CEP170: variants seen among roughly 807,000 people sequenced by gnomAD.
CEP170 encodes centrosomal protein of 170 kDa.
A neutral mutation model predicts 151.9 loss-of-function variants in CEP170; 21 were observed. The observed-to-expected ratio is 0.14, with a 90% confidence interval of 0.10 to 0.20. The LOEUF is 0.20. CEP170 is among the 10% of genes least tolerant of loss of function. The pLI is 1.00. For missense variants in CEP170, 964 were observed against 1,892.9 expected (o/e 0.51, Z 9.11); for synonymous variants, 356 against 648.8 (o/e 0.55, Z 6.86).
chr1:243,202,790 C>A (rs1165379895), intron 4 of CEP170, among the ~76,000 whole-genome samples: 1 of 152,032 alleles, frequency 6.6e-6, no homozygotes, highest in Non-Finnish European at 1.5e-5. Context: ...CATAGCATTC[C>A]TACTTTTTCT....
intron 1 of CEP170, among the ~76,000 whole-genome samples, chr1:243,243,803 G>C (rs1312698213): frequency 1.3e-5 from 2 of 152,050 alleles, no homozygotes; most frequent in African/African-American, 4.8e-5. Context: ...TGAGATCACA[G>C]GCAGGAGCCA....
At chr1:243,181,263 C>T (rs2059601591) in intron 10 of CEP170, among the ~76,000 whole-genome samples, 1 of 152,152 alleles carries the variant, frequency 6.6e-6, no homozygotes, top group South Asian at 2.1e-4. Context: ...GAGATAATTA[C>T]TAGTATGAGA....
intron 13 of CEP170, 77 bp downstream of exon 13, chr1:243,164,205 TAC>T (rs2058283994): frequency 5.4e-6 from 7 of 1,292,748 alleles, no homozygotes; most frequent in East Asian, 2.8e-5. Flanking sequence ...ACTAGAACCT[TAC>T]TTTTTTTTTT....
At chr1:243,254,233 A>C (rs1448576721) in intron 1 of CEP170, 2 of 150,926 alleles carry the variant, frequency 1.3e-5, no homozygotes, top group African/African-American at 2.5e-5. Flanking sequence ...ACTCTACGAA[A>C]CACCACCGAA....
intron 17 of CEP170, among the ~76,000 whole-genome samples, chr1:243,131,716 AT>A: frequency 6.6e-6 from 1 of 152,262 alleles, no homozygotes; most frequent in South Asian, 2.1e-4. Flanking sequence ...GTCCTTATCA[AT>A]TTTAAGCTGA....
chr1:243,155,223 AAGC>A (rs1420240006), intron 14 of CEP170, among the ~76,000 whole-genome samples: 1 of 152,230 alleles, frequency 6.6e-6, no homozygotes, highest in Non-Finnish European at 1.5e-5. Flanking sequence ...CCAAGAATAA[AAGC>A]GATGACAAGT....
chr1:243,199,040 A>G lies in CEP170; in HGVS notation c.631+20T>C. On this transcript the variant is annotated intron_variant, in intron 7 of 19. Coordinates refer to ENST00000366542, the MANE Select transcript of CEP170 (RefSeq NM_014812.3). ...TCCCAAAATATCCACTTAATGTCACAGTGACTGAGATTTTTTTACCTGATG... is the reference window on the plus strand; with the variant it reads ...TCCCAAAATATCCACTTAATGTCACGGTGACTGAGATTTTTTTACCTGATG... The G allele has an allele frequency of 2.6e-6, 4 of 1,530,964 alleles. No homozygotes were observed. Among genetic ancestry groups the G allele is most frequent in the Non-Finnish European group, 3.6e-6 (4 of 1,109,542 alleles). 94.8% of individuals were successfully genotyped at this position (1,530,964 alleles called of 1,614,324 possible).
intron 14 of CEP170, among the ~76,000 whole-genome samples, chr1:243,152,920 T>C (rs2057243518): frequency 6.6e-6 from 1 of 152,214 alleles, no homozygotes; most frequent in African/African-American, 2.4e-5. Context: ...ATTCCTCTAA[T>C]AGATCTGGAC....
At chr1:243,147,268 T>A (rs1311911377) in intron 14 of CEP170, among the ~76,000 whole-genome samples, 1 of 152,252 alleles carries the variant, frequency 6.6e-6, no homozygotes, top group African/African-American at 2.4e-5. Context: ...TTTTGGCCCA[T>A]TATTCAAGAT....
Position 243,146,884 on chromosome 1 carries a change from TC to T in CEP170, c.3912-4422del, listed in dbSNP as rs544293136. Among the ~76,000 whole-genome samples the T allele has an allele frequency of 4.6e-3, 698 of 152,116 alleles. 3 individuals are homozygous for T. The highest frequency in any genetic ancestry group is 7.5e-3 in the Non-Finnish European group (511 of 67,996). ...TTTACTTTGTGCATGAGCAAAAAGTTCTAGATGTTCCCTAACCAGTGAAGAC... is the reference window on the plus strand; with the variant it reads ...TTTACTTTGTGCATGAGCAAAAAGTTTAGATGTTCCCTAACCAGTGAAGAC... On this transcript the variant is annotated intron_variant, in intron 14 of 19. Coordinates refer to ENST00000366542, the MANE Select transcript of CEP170 (RefSeq NM_014812.3).
intron 1 of CEP170, among the ~76,000 whole-genome samples, chr1:243,250,261 A>C (rs901476170): frequency 3.3e-5 from 5 of 152,224 alleles, no homozygotes; most frequent in African/African-American, 1.2e-4. Flanking sequence ...GGATGGAGAC[A>C]TAAGAGTTTG....
rs544369438 is a variant in CEP170, at chr1:243,221,694, A to G, written c.195+30T>C. ...TCTTACAATATTAAACAAATGTTCA[A>G]ACAAGACAAAAAATAAACCATTGAC... On this transcript the variant is annotated intron_variant, in intron 3 of 19. Coordinates refer to ENST00000366542, the MANE Select transcript of CEP170 (RefSeq NM_014812.3). 5.1e-6 allele frequency: 8 copies of G among 1,575,074 alleles called. 1 individual carries two copies. Among genetic ancestry groups the G allele is most frequent in the Non-Finnish European group, 6.0e-6 (7 of 1,160,008 alleles).
chr1:243,251,935 GT>G (rs1255477858), intron 1 of CEP170, among the ~76,000 whole-genome samples: 2 of 152,130 alleles, frequency 1.3e-5, no homozygotes, highest in Non-Finnish European at 2.9e-5. Context: ...AATATATCCA[GT>G]TTAATCAACC....
intron 1 of CEP170, among the ~76,000 whole-genome samples, chr1:243,240,265 A>G (rs10803129): frequency 0.97 from 147,779 of 152,166 alleles, 71,918 homozygotes; most frequent in South Asian, 1. Context: ...AGCTGAGATC[A>G]CGCCATTGCA....
chr1:243,157,057 T>C (rs1198253356), intron 13 of CEP170, among the ~76,000 whole-genome samples: 1 of 152,226 alleles, frequency 6.6e-6, no homozygotes, highest in Non-Finnish European at 1.5e-5. Flanking sequence ...TCTTTTTACG[T>C]GGTAAAAAAA....
chr1:243,221,805 A>C lies in CEP170; in HGVS notation c.114T>G (p.Ser38Arg). ...TGATGACAGCGTGTTGCTTATCCAC[A>C]CTACGAGACTGAAAGGAATGTTGTC... is the stretch of plus-strand genomic sequence containing the variant. ...DDCELMLQSR[S>R]VDKQHAVINY... The change falls in exon 3 of 20, where the codon AGT becomes AGG. Residue 38 changes from serine (S) to arginine (R), a missense_variant. Coordinates refer to ENST00000366542, the MANE Select transcript of CEP170 (RefSeq NM_014812.3). The C allele has an allele frequency of 6.2e-7, 1 of 1,608,966 alleles. No homozygotes were observed.
rs751057602 is a variant in CEP170, at chr1:243,199,120, T to C, written c.571A>G (p.Lys191Glu). Residue 191 changes from lysine (K) to glutamate (E), a missense_variant, in exon 7 of 20, where the codon AAA becomes GAA. Transcript: ENST00000366542. ...SWWGDDEVDE[K>E]RAFKTNGKPE... ...TTGCCATTTGTCTTGAAAGCTCTTT[T>C]TTCATCCACCTCATCATCCCCCCAC... The C allele has an allele frequency of 5.6e-6, 9 of 1,612,136 alleles. No individual in the cohort carries two copies. The highest frequency in any genetic ancestry group is 5.5e-5 in the South Asian group (5 of 90,982).
At chr1:243,226,868 A>C (rs2063341113) in intron 1 of CEP170, among the ~76,000 whole-genome samples, 1 of 152,178 alleles carries the variant, frequency 6.6e-6, no homozygotes, top group African/African-American at 2.4e-5. Context: ...GTGCACCTGT[A>C]ATCCCAGCTA....
At chr1:243,243,714 G>C (rs1396147869) in intron 1 of CEP170, among the ~76,000 whole-genome samples, 1 of 151,922 alleles carries the variant, frequency 6.6e-6, no homozygotes, top group Non-Finnish European at 1.5e-5. Context: ...TTAAAGTAGA[G>C]ACAGGGTTTC....
Sources: allele counts gnomAD v4.1 joint callset (sites outside exome capture counted in the v4.1 genomes callset), GRCh38; gene constraint gnomAD v4.1.1; transcripts MANE v1.5; gene names NCBI Gene and HGNC (gene_info 2026-07-23, HGNC 2026-07-21).